The following NAALADL2 variants were observed in gnomAD, a reference collection of about 807,000 sequenced individuals.
NAALADL2 encodes inactive N-acetylated-alpha-linked acidic dipeptidase-like protein 2.
In NAALADL2, 76 loss-of-function variants were observed where a neutral mutation model predicts 87.2. The observed-to-expected ratio is 0.87, with a 90% CI of 0.72 to 1.05. NAALADL2 has a LOEUF of 1.05. Among genes scored for constraint, NAALADL2 ranks in the 50% least tolerant of loss-of-function variants. The pLI, the probability that NAALADL2 is intolerant of heterozygous loss-of-function variation, is 0.00. For synonymous variants in NAALADL2, 354 were observed against 331.0 expected, an observed-to-expected ratio of 1.07 and a Z score of -0.75; for missense variants, 1,089 against 945.8, an observed-to-expected ratio of 1.15 and a Z score of -1.99.
At chr3:175,683,185 ATTT>A (rs1168524757) in intron 11 of NAALADL2, among the ~76,000 whole-genome samples, 1 of 152,010 alleles carries the variant, frequency 6.6e-6, no homozygotes, top group African/African-American at 2.4e-5. Context: ...TAATTTAATA[ATTT>A]ATCAGAAATT....
At chr3:175,741,537 T>A (rs1424827538) in intron 12 of NAALADL2, among the ~76,000 whole-genome samples, 1 of 151,804 alleles carries the variant, frequency 6.6e-6, no homozygotes, top group East Asian at 1.9e-4. Flanking sequence ...AATTTGCTGT[T>A]GAGATTCCTT....
chr3:174,893,311 C>G (rs914935041), intron 1 of NAALADL2, among the ~76,000 whole-genome samples: 1 of 96,930 alleles, frequency 1.0e-5, no homozygotes, highest in Non-Finnish European at 2.0e-5. Context: ...AGTACTTCAA[C>G]CCCCCCCCGC....
chr3:175,018,467 G>GA (rs201225056), intron 1 of NAALADL2, among the ~76,000 whole-genome samples: 5 of 151,950 alleles, frequency 3.3e-5, no homozygotes, highest in Non-Finnish European at 7.4e-5. Flanking sequence ...ATAAGTGTCA[G>GA]AAAAAACATT....
intron 11 of NAALADL2, among the ~76,000 whole-genome samples, chr3:175,678,803 A>C (rs964048910): frequency 1.2e-4 from 18 of 152,216 alleles, no homozygotes; most frequent in African/African-American, 4.1e-4. Context: ...CAGCACACCA[A>C]CATGGCACAT....
chr3:175,392,225 T>G (rs555083090), intron 5 of NAALADL2, among the ~76,000 whole-genome samples: 51 of 152,328 alleles, frequency 3.3e-4, no homozygotes, highest in African/African-American at 1.2e-3. Flanking sequence ...ACTTACATAT[T>G]TAGCACTTAA....
chr3:175,578,937 A>G lies in NAALADL2; in HGVS notation c.1800+2750A>G, dbSNP rs548068774. Among the ~76,000 whole-genome samples the G allele has an allele frequency of 2.6e-5, 4 of 152,362 alleles. No homozygotes were observed. In the East Asian group the frequency reaches 7.7e-4, roughly 29 times the overall value. ...TCAACACCTGTTTCTGTCAAAGATT[A>G]GAAGATGAATACTCAACTAAGGGTC... On this transcript the variant is annotated intron_variant, in intron 10 of 13. Transcript: ENST00000454872.
intron 1 of NAALADL2, among the ~76,000 whole-genome samples, chr3:174,938,617 G>A (rs1347019398): frequency 1.3e-5 from 2 of 152,056 alleles, no homozygotes; most frequent in Admixed American, 1.3e-4. Context: ...TTCCACAATG[G>A]TTGAACTAAT....
chr3:175,581,400 C>T (rs1008939376), intron 10 of NAALADL2, among the ~76,000 whole-genome samples: 2 of 152,200 alleles, frequency 1.3e-5, no homozygotes, highest in Non-Finnish European at 2.9e-5. Context: ...CGAGATGGCG[C>T]CACTGCACTC....
chr3:175,510,600 T>G (rs1731024339), intron 9 of NAALADL2, among the ~76,000 whole-genome samples: 1 of 152,202 alleles, frequency 6.6e-6, no homozygotes, highest in Non-Finnish European at 1.5e-5. Context: ...AAGTCTTCCT[T>G]TATAAACTAC....
chr3:175,546,940 A>G (rs1713436151), intron 9 of NAALADL2, among the ~76,000 whole-genome samples: 1 of 152,116 alleles, frequency 6.6e-6, no homozygotes, highest in Admixed American at 6.6e-5. Context: ...AATGAAAAAG[A>G]AATACATGCT....
At chr3:175,092,220 A>G (rs186455531) in intron 1 of NAALADL2, among the ~76,000 whole-genome samples, 11 of 151,894 alleles carry the variant, frequency 7.2e-5, no homozygotes, top group Middle Eastern at 3.2e-3. Context: ...AAGCATAAGT[A>G]TTATGCATAA....
At chr3:175,208,581 G>T (rs914291660) in intron 2 of NAALADL2, among the ~76,000 whole-genome samples, 1 of 152,108 alleles carries the variant, frequency 6.6e-6, no homozygotes, top group Non-Finnish European at 1.5e-5. Context: ...ATTGCTGACA[G>T]CCAATCCCAG....
At chr3:175,224,575 A>C (rs1381335764) in intron 2 of NAALADL2, among the ~76,000 whole-genome samples, 1 of 151,834 alleles carries the variant, frequency 6.6e-6, no homozygotes, top group Non-Finnish European at 1.5e-5. Flanking sequence ...ATCTCCACCC[A>C]CCCACTCCCC....
At chr3:175,630,687 C>G (rs1727639476) in intron 11 of NAALADL2, among the ~76,000 whole-genome samples, 1 of 151,450 alleles carries the variant, frequency 6.6e-6, no homozygotes, top group Admixed American at 6.6e-5. Flanking sequence ...TACTTTTTTT[C>G]ACTGAGGATA....
At chr3:174,917,204 A>C (rs1377083878) in intron 1 of NAALADL2, among the ~76,000 whole-genome samples, 1 of 152,122 alleles carries the variant, frequency 6.6e-6, no homozygotes, top group Admixed American at 6.6e-5. Context: ...GAATTTTCCC[A>C]TAGTCAATTG....
chr3:174,930,352 T>G (rs16865985), intron 1 of NAALADL2, among the ~76,000 whole-genome samples: 1 of 151,994 alleles, frequency 6.6e-6, no homozygotes, highest in Admixed American at 6.6e-5. Flanking sequence ...TTGCGCTACA[T>G]GTATGGACTT....
intron 2 of NAALADL2, among the ~76,000 whole-genome samples, chr3:175,133,477 T>C (rs7634454): frequency 0.56 from 85,894 of 152,088 alleles, 24,972 homozygotes; most frequent in African/African-American, 0.7. Context: ...CCCGGCACCT[T>C]GGGATGCCGA....
intron 1 of NAALADL2, among the ~76,000 whole-genome samples, chr3:175,001,454 G>C (rs903279102): frequency 2.0e-5 from 3 of 152,082 alleles, no homozygotes; most frequent in African/African-American, 4.8e-5. Flanking sequence ...CTTCTGATTG[G>C]TGTAAAGGAT....
intron 13 of NAALADL2, among the ~76,000 whole-genome samples, chr3:175,784,031 C>A (rs1192089600): frequency 6.8e-6 from 1 of 146,760 alleles, no homozygotes; most frequent in Non-Finnish European, 1.5e-5. Context: ...ATTGAACCAG[C>A]CTTGCATCCC....
Sources: gnomAD v4.1 joint callset for allele counts (sites outside exome capture counted in the v4.1 genomes callset) on GRCh38, gnomAD v4.1.1 for gene constraint, MANE v1.5 for transcripts, NCBI Gene and HGNC (gene_info 2026-07-23, HGNC 2026-07-21) for gene names.